Variants in TRIM62 observed in about 807,000 individuals in gnomAD.
TRIM62 encodes E3 ubiquitin-protein ligase TRIM62.
Under a neutral mutation model 44.2 loss-of-function variants are expected in TRIM62, and 39 were observed. That is an observed-to-expected ratio of 0.88 (90% CI 0.68 to 1.15). The LOEUF is 1.15. Ranked by LOEUF, TRIM62 falls within the 50% of genes most tolerant of loss-of-function variation. The probability of loss-of-function intolerance (pLI) is 0.00; values close to 1 mark genes in which losing one functional copy is unlikely to be tolerated. For missense variants in TRIM62, 544 were observed against 665.5 expected, an observed-to-expected ratio of 0.82 and a Z score of 2.01; for synonymous variants, 278 against 292.3, an observed-to-expected ratio of 0.95 and a Z score of 0.50.
chr1:33,155,689 A>G (rs1433544300), intron 4 of TRIM62, among the ~76,000 whole-genome samples: 1 of 152,128 alleles, frequency 6.6e-6, no homozygotes, highest in African/African-American at 2.4e-5. Context: ...AAAAATGAGG[A>G]TAATAACACT....
intron 2 of TRIM62, chr1:33,164,417 G>T (rs900844252): frequency 6.6e-6 from 1 of 152,298 alleles, no homozygotes; most frequent in Admixed American, 6.5e-5. Context: ...GTATAGTGGG[G>T]ACTCCACCCG....
chr1:33,153,355 C>G (rs1422622084), intron 4 of TRIM62, among the ~76,000 whole-genome samples: 1 of 152,228 alleles, frequency 6.6e-6, no homozygotes, highest in Non-Finnish European at 1.5e-5. Context: ...CTGTTCCTCC[C>G]TCAGCTCCTC....
chr1:33,147,786 G>T lies in TRIM62; in HGVS notation c.878-59C>A, dbSNP rs1464111107. On this transcript the variant is annotated intron_variant, in intron 4 of 4. Transcript: ENST00000291416. This position sits in a 1 kb window ranked among gnomAD's most constrained non-coding sequence, Gnocchi z 8.1. ...GGGGAGAAGGCTGTGGACCCACCAT[G>T]CAGTGCCTTCCTGAGGGCAGAGTTC... 5 of 1,553,676 alleles carry T rather than the reference G, an allele frequency of 3.2e-6. No homozygotes were observed. In the African/African-American group the frequency reaches 6.8e-5, roughly 21 times the overall value.
In TRIM62 at chr1:33,159,912, G is replaced by A. The variant is rs781609175; in HGVS notation, c.537C>T (p.Gly179=). 28 of 1,607,704 alleles carry A rather than the reference G, an allele frequency of 1.7e-5. No homozygotes were observed. In the East Asian group the frequency reaches 3.8e-4, roughly 22 times the overall value. Residue 179 remains glycine (G), a synonymous_variant, in exon 3 of 5, where the codon GGC becomes GGT. Coordinates refer to ENST00000291416, the MANE Select transcript of TRIM62 (RefSeq NM_018207.3). This position sits in a 1 kb window ranked among gnomAD's most constrained non-coding sequence, Gnocchi z 4.2. Reference sequence around the variant, plus strand: ...GCCGGTGCAGCCGCTCGAAGGCCTCGCCGATAGTGGTCCGCAGGCTCTTGG... The same window carrying A: ...GCCGGTGCAGCCGCTCGAAGGCCTCACCGATAGTGGTCCGCAGGCTCTTGG... ...SSTKSLRTTI[G]EAFERLHRLL...
rs976240921 is a variant in TRIM62, at chr1:33,158,314, G to A, written c.816C>T (p.Ser272=). The change falls in exon 4 of 5, where the codon TCC becomes TCT. Residue 272 remains serine, a synonymous_variant. Transcript: ENST00000291416. ...TNLTYEDFPT[S]KYTGPLQYTI... The stretch of plus-strand genomic sequence containing the variant: ...TGTACTGCAGGGGGCCTGTGTACTT[G>A]GAGGTCGGGAAGTCTTCATATGTGA... 3 of 1,613,964 alleles carry A rather than the reference G, an allele frequency of 1.9e-6. No individual in the cohort carries two copies. The Admixed American group carries it at 5.0e-5, about 27-fold the overall frequency.
At chr1:33,155,701 C>A (rs1199760795) in intron 4 of TRIM62, among the ~76,000 whole-genome samples, 1 of 152,180 alleles carries the variant, frequency 6.6e-6, no homozygotes, top group Non-Finnish European at 1.5e-5. Context: ...AATAACACTT[C>A]CCACTTCTCA....
chr1:33,167,304 A>G lies in TRIM62; in HGVS notation c.409-1738T>C, dbSNP rs1455455103. ...TGTGTTTATTGCTTATCTCCTCACT[A>G]GAATGTGAGTTTCATGAGAGTAGTA... On this transcript the variant is annotated intron_variant, in intron 1 of 4. Transcript: ENST00000291416. The surrounding 1 kb of genome is among the most constrained non-coding windows in gnomAD (Gnocchi z 4.2). Among the ~76,000 whole-genome samples, 1 of 152,150 alleles carries G rather than the reference A, an allele frequency of 6.6e-6. No homozygotes were observed. Among genetic ancestry groups the G allele is most frequent in the Non-Finnish European group, 1.5e-5 (1 of 68,030 alleles).
intron 2 of TRIM62, among the ~76,000 whole-genome samples, chr1:33,160,283 G>A (rs1645246669): frequency 6.6e-6 from 1 of 152,114 alleles, no homozygotes; most frequent in African/African-American, 2.4e-5. Context: ...AAAGGAGCTG[G>A]GGATAATGCC....
intron 2 of TRIM62, among the ~76,000 whole-genome samples, chr1:33,160,525 C>T (rs1645251178): frequency 6.6e-6 from 1 of 152,084 alleles, no homozygotes; most frequent in South Asian, 2.1e-4. Context: ...CAGCCTCAGC[C>T]TCCCTAGTAG....
chr1:33,175,479 G>T (rs1434638363), intron 1 of TRIM62, among the ~76,000 whole-genome samples: 1 of 152,202 alleles, frequency 6.6e-6, no homozygotes, highest in Non-Finnish European at 1.5e-5. Flanking sequence ...TGAGTCGGGA[G>T]AGCTGAGCTC....
At chr1:33,158,540 T>G (rs539737355) in intron 3 of TRIM62, among the ~76,000 whole-genome samples, 172 bp from the exon 4 acceptor site, 1 of 152,328 alleles carries the variant, frequency 6.6e-6, no homozygotes, top group African/African-American at 2.4e-5. Flanking sequence ...CTCTAACCAT[T>G]CCCTCAGTCT....
At chr1:33,157,652 C>A (rs1645197940) in intron 4 of TRIM62, among the ~76,000 whole-genome samples, 1 of 152,136 alleles carries the variant, frequency 6.6e-6, no homozygotes, top group South Asian at 2.1e-4. Flanking sequence ...CTGATGTGAA[C>A]TCTTATGTAC....
chr1:33,176,300 C>T (rs1645418413), intron 1 of TRIM62: 1 of 579,012 alleles, frequency 1.7e-6, no homozygotes, highest in African/African-American at 1.8e-5. Context: ...AAGAGGGTGT[C>T]ACCCCCTCTC....
chr1:33,162,082 C>G (rs1645276399), intron 2 of TRIM62, among the ~76,000 whole-genome samples: 1 of 152,206 alleles, frequency 6.6e-6, no homozygotes, highest in Non-Finnish European at 1.5e-5. Flanking sequence ...CTCACTTGGT[C>G]TACAAGTCAA....
At chr1:33,148,206 G>A (rs774441982) in intron 4 of TRIM62, among the ~76,000 whole-genome samples, 16 of 152,130 alleles carry the variant, frequency 1.1e-4, no homozygotes, top group Non-Finnish European at 2.4e-4. Context: ...TTCTGCAAAG[G>A]GAAGTTCTGC....
chr1:33,181,054 C>G lies in TRIM62; in HGVS notation c.379G>C (p.Gly127Arg), dbSNP rs1480582137. The change falls in exon 1 of 5, where the codon GGC becomes CGC. Residue 127 changes from glycine (G) to arginine (R), a missense_variant. Gly to Arg is a moderately radical substitution (Grantham distance 125). Transcript: ENST00000291416. The surrounding 1 kb of genome is among the most constrained non-coding windows in gnomAD (Gnocchi z 6.5). ...PALHEQHQVT[G>R]IDDAFDELQR... ...AGCTCGTCGAAGGCGTCGTCGATGC[C>G]GGTGACCTGATGCTGCTCGTGCAGT... is the stretch of plus-strand genomic sequence containing the variant. The G allele has an allele frequency of 2.5e-6, 4 of 1,596,446 alleles. No individual in the cohort carries two copies. Among genetic ancestry groups the G allele is most frequent in the African/African-American group, 1.3e-5 (1 of 74,374 alleles).
intron 4 of TRIM62, among the ~76,000 whole-genome samples, chr1:33,149,656 T>G (rs1645069997): frequency 1.3e-5 from 2 of 152,088 alleles, no homozygotes; most frequent in Admixed American, 1.3e-4. Context: ...GGTTTCGCAA[T>G]GTTGGCCAGG....
chr1:33,179,795 G>A (rs1645446491), intron 1 of TRIM62, among the ~76,000 whole-genome samples: 1 of 152,160 alleles, frequency 6.6e-6, no homozygotes. Context: ...TTGAAAAAAG[G>A]ATTCCAGGCC....
intron 1 of TRIM62, among the ~76,000 whole-genome samples, chr1:33,170,101 C>A (rs1198177795): frequency 2.0e-5 from 3 of 152,064 alleles, no homozygotes; most frequent in Non-Finnish European, 4.4e-5. Context: ...AGGCTGAGAC[C>A]TTTGGATCAC....
Sources: gnomAD v4.1 joint callset for allele counts (sites outside exome capture counted in the v4.1 genomes callset) on GRCh38, gnomAD v4.1.1 for gene constraint, Gnocchi (gnomAD v3.1) non-coding constraint, MANE v1.5 for transcripts, NCBI Gene and HGNC (gene_info 2026-07-23, HGNC 2026-07-21) for gene names.